The following PTPRB variants were observed in gnomAD, a reference collection of about 807,000 sequenced individuals.
PTPRB encodes receptor-type tyrosine-protein phosphatase beta.
Under a neutral mutation model 238.1 loss-of-function variants are expected in PTPRB, and 97 were observed. The observed-to-expected ratio is 0.41, with a 90% confidence interval of 0.35 to 0.48. PTPRB has a LOEUF of 0.48. Ranked by LOEUF, PTPRB falls within the 20% of genes least tolerant of loss-of-function variation. The pLI, the probability that PTPRB is intolerant of heterozygous loss-of-function variation, is 0.30. For missense variants in PTPRB, 2,292 were observed against 2,681.9 expected (o/e 0.85, Z 3.21); for synonymous variants, 970 against 995.4 (o/e 0.97, Z 0.48).
At chr12:70,549,529 G>A (rs556245123) in intron 21 of PTPRB, among the ~76,000 whole-genome samples, 31 of 152,276 alleles carry the variant, frequency 2.0e-4, no homozygotes, top group Non-Finnish European at 3.2e-4. Flanking sequence ...ATAAACTTGC[G>A]TATCAGCTAA....
At chr12:70,580,921 C>G in intron 10 of PTPRB, 115 bp downstream of exon 10, 1 of 1,244,176 alleles carries the variant, frequency 8.0e-7, no homozygotes, top group Non-Finnish European at 1.1e-6. Context: ...TGAAACTTAG[C>G]TTTTGTAAAG....
chr12:70,622,603 C>T lies in PTPRB; in HGVS notation c.495G>A (p.Thr165=), dbSNP rs374992257. 194 of 1,586,716 alleles carry T rather than the reference C, an allele frequency of 1.2e-4. 1 individual carries two copies. The South Asian group carries it at 2.0e-3, about 16-fold the overall frequency. ...AEVSVRSTRN[T]APPQILTTFN... ...AGGTAGTGAGAATCTGGGGTGGAGC[C>T]GTGTTTCTAGTGCTCCTCACCGAAA... Residue 165 remains threonine, a synonymous_variant, in exon 3 of 34, where the codon ACG becomes ACA. Coordinates refer to ENST00000334414, the MANE Select transcript of PTPRB (RefSeq NM_001109754.4).
At chr12:70,551,162 C>T (rs902208889) in intron 21 of PTPRB, among the ~76,000 whole-genome samples, 1 of 152,210 alleles carries the variant, frequency 6.6e-6, no homozygotes, top group Non-Finnish European at 1.5e-5. Flanking sequence ...TCCCAAAGTG[C>T]TGGGATTACA....
intron 6 of PTPRB, 138 bp from the exon 7 acceptor site, chr12:70,592,683 T>G: frequency 1.1e-6 from 1 of 897,502 alleles, no homozygotes; most frequent in Non-Finnish European, 1.7e-6. Context: ...GAGGCAAATA[T>G]TATCCTCTTC....
At position 70,596,357 on chromosome 12, in the gene PTPRB, A is replaced by C. The variant is rs78943710; in HGVS notation, c.980-30T>G. 1.5e-3 allele frequency: 1,968 copies of C among 1,301,088 alleles called. 16 individuals are homozygous for C. The African/African-American group carries it at 0.017, about 11-fold the overall frequency. 80.6% of individuals were successfully genotyped at this position (1,301,088 alleles called of 1,614,324 possible). A position where few individuals can be genotyped will look rare whatever the true frequency, so the allele number is the denominator to read the frequency against. ...AAGGCAAATACACACACACACACAA[A>C]AAAAAAAAAGAAAGAAAAAGAAAAA... On this transcript the variant is annotated intron_variant, in intron 4 of 33. Coordinates refer to ENST00000334414, the MANE Select transcript of PTPRB (RefSeq NM_001109754.4).
At chr12:70,632,097 T>G (rs1035080783) in intron 2 of PTPRB, among the ~76,000 whole-genome samples, 1 of 152,174 alleles carries the variant, frequency 6.6e-6, no homozygotes, top group African/African-American at 2.4e-5. Context: ...CAAAGGATTA[T>G]AAATCAAGCT....
intron 7 of PTPRB, among the ~76,000 whole-genome samples, chr12:70,590,864 C>CTTCCCTCTT (rs972619860): frequency 2.7e-5 from 4 of 149,044 alleles, no homozygotes; most frequent in African/African-American, 9.8e-5. Flanking sequence ...CCCAAAAGCT[C>CTTCCCTCTT]TTCCCTCTTT....
chr12:70,549,862 T>C (rs944986260), intron 21 of PTPRB, among the ~76,000 whole-genome samples: 2 of 152,186 alleles, frequency 1.3e-5, no homozygotes, highest in Non-Finnish European at 2.9e-5. Context: ...AACAAATATG[T>C]ACACAGAGAT....
chr12:70,530,687 G>A (rs2136219632), intron 32 of PTPRB, among the ~76,000 whole-genome samples: 1 of 152,192 alleles, frequency 6.6e-6, no homozygotes, highest in Non-Finnish European at 1.5e-5. Context: ...TGTAGAAGCA[G>A]GGGTTTGGGT....
At chr12:70,562,575 T>C (rs1450333065) in intron 16 of PTPRB, among the ~76,000 whole-genome samples, 1 of 152,112 alleles carries the variant, frequency 6.6e-6, no homozygotes, top group Non-Finnish European at 1.5e-5. Context: ...TACAGTTTGA[T>C]GGCAAGAGGA....
intron 10 of PTPRB, among the ~76,000 whole-genome samples, chr12:70,578,965 A>G (rs916886559): frequency 1.3e-5 from 2 of 152,166 alleles, no homozygotes; most frequent in African/African-American, 4.8e-5. Context: ...CCCAACCTCC[A>G]TTCTCTGGAG....
rs1189173936 is a variant in PTPRB, at chr12:70,540,136, A to G, written c.5595-114T>C. ...TGCAAATATGGATTTTTCAGTATTC[A>G]TACAGATTTGCACTCAGCCAACATC... On this transcript the variant is annotated intron_variant, in intron 23 of 33. Coordinates refer to ENST00000334414, the MANE Select transcript of PTPRB (RefSeq NM_001109754.4). 5 of 893,866 alleles carry G rather than the reference A, an allele frequency of 5.6e-6. No individual in the cohort carries two copies. In the Admixed American group the frequency reaches 1.3e-4, roughly 23 times the overall value. 55.4% of individuals were successfully genotyped at this position (893,866 alleles called of 1,614,324 possible).
At chr12:70,604,371 T>C (rs1259352914) in intron 4 of PTPRB, among the ~76,000 whole-genome samples, 2 of 152,348 alleles carry the variant, frequency 1.3e-5, no homozygotes, top group Admixed American at 6.5e-5. Context: ...AGAAGAATTG[T>C]ATCAAAATCT....
At chr12:70,609,480 C>A in intron 3 of PTPRB, 141 bp from the exon 4 acceptor site, 1 of 1,158,166 alleles carries the variant, frequency 8.6e-7, no homozygotes, top group East Asian at 2.5e-5. Flanking sequence ...GCCCTCTGGC[C>A]AGAGAAGAGG....
At chr12:70,551,761 G>A (rs991528968) in intron 21 of PTPRB, among the ~76,000 whole-genome samples, 11 of 152,040 alleles carry the variant, frequency 7.2e-5, no homozygotes, top group African/African-American at 2.2e-4. Flanking sequence ...TATCCAAGAT[G>A]GTAGCCTAGG....
At chr12:70,530,335 T>C (rs1344424583) in intron 32 of PTPRB, among the ~76,000 whole-genome samples, 3 of 152,188 alleles carry the variant, frequency 2.0e-5, no homozygotes, top group Admixed American at 2.0e-4. Context: ...CATATATATG[T>C]ATACATGTTC....
rs372304728 is a variant in PTPRB at position 70,595,452 on chromosome 12, C to T, written c.1258+597G>A. 1.2e-4 allele frequency among the ~76,000 whole-genome samples: 18 copies of T among 151,930 alleles called. No individual in the cohort carries two copies. The South Asian group carries it at 3.5e-3, about 30-fold the overall frequency. ...ATCCCAGAACTTAAAGTATAAATAT[C>T]CCAGAACTTAAAGTATAATAAAAAA... On this transcript the variant is annotated intron_variant, in intron 5 of 33. Transcript: ENST00000334414.
chr12:70,629,516 T>G (rs1194086382), intron 2 of PTPRB, among the ~76,000 whole-genome samples: 2 of 152,104 alleles, frequency 1.3e-5, no homozygotes, highest in Admixed American at 6.5e-5. Context: ...ATTGACAACC[T>G]AACATCACAA....
At chr12:70,599,005 CAA>C (rs1298895167) in intron 4 of PTPRB, among the ~76,000 whole-genome samples, 1 of 152,166 alleles carries the variant, frequency 6.6e-6, no homozygotes, top group Non-Finnish European at 1.5e-5. Flanking sequence ...GCACTGGAAA[CAA>C]ACACTTAAAA....
Sources: allele counts gnomAD v4.1 joint callset (sites outside exome capture counted in the v4.1 genomes callset), GRCh38; gene constraint gnomAD v4.1.1; transcripts MANE v1.5; gene names NCBI Gene and HGNC (gene_info 2026-07-23, HGNC 2026-07-21).